Variants in TRDN observed in about 807,000 individuals in gnomAD.
The protein encoded by TRDN is triadin.
TRDN carries 161 observed loss-of-function variants against 149.7 expected under a neutral mutation model. The ratio of observed to expected loss-of-function variants is 1.08; its 90% CI spans 0.95 to 1.23. The LOEUF is 1.23. Ranked by LOEUF, TRDN falls within the 50% of genes most tolerant of loss-of-function variation. The pLI is 0.00. For missense variants in TRDN, 896 were observed against 823.5 expected (o/e 1.09, Z -1.08); for synonymous variants, 294 against 250.5 (o/e 1.17, Z -1.64).
chr6:123,568,228 A>G (rs1782388749), intron 2 of TRDN, among the ~76,000 whole-genome samples: 1 of 152,196 alleles, frequency 6.6e-6, no homozygotes, highest in African/African-American at 2.4e-5. Flanking sequence ...GTCCCAAGGA[A>G]TTGGGCAGCT....
intron 1 of TRDN, among the ~76,000 whole-genome samples, chr6:123,630,273 A>G (rs1785919834): frequency 6.6e-6 from 1 of 152,082 alleles, no homozygotes; most frequent in Non-Finnish European, 1.5e-5. Flanking sequence ...TAATGTTTTA[A>G]TACTATCTTT....
At chr6:123,495,971 C>T (rs1208115077) in intron 9 of TRDN, among the ~76,000 whole-genome samples, 1 of 150,534 alleles carries the variant, frequency 6.6e-6, no homozygotes, top group East Asian at 1.9e-4. Context: ...CCATATCACA[C>T]TACCTTCCTG....
intron 27 of TRDN, 133 bp from the exon 28 acceptor site, chr6:123,273,496 GA>G (rs1777273300): frequency 2.6e-6 from 1 of 386,220 alleles, no homozygotes; most frequent in Non-Finnish European, 3.9e-6. Context: ...TCTGGTTAAA[GA>G]AAAGTAAAAC....
At chr6:123,600,926 CA>C (rs1413896388) in intron 1 of TRDN, among the ~76,000 whole-genome samples, 6 of 151,636 alleles carry the variant, frequency 4.0e-5, no homozygotes, top group African/African-American at 1.2e-4. Context: ...GTTTTAAAAA[CA>C]AAAAAATTAT....
intron 23 of TRDN, among the ~76,000 whole-genome samples, chr6:123,328,184 C>T (rs186096294): frequency 5.1e-4 from 77 of 152,312 alleles, no homozygotes; most frequent in African/African-American, 1.3e-3. Flanking sequence ...CAGAATCCCT[C>T]GCAGTTAAAT....
Position 123,224,114 on chromosome 6 carries a change from G to A in TRDN, c.1993C>T (p.Pro665Ser). Residue 665 changes from proline (P) to serine (S), a missense_variant, in exon 39 of 41, where the codon CCA becomes TCA. Pro to Ser is a moderately conservative substitution (Grantham distance 74). Transcript: ENST00000334268. ...ARVSKDVEDV[P>S]ASKKAKEGTE... ...TCACCTTTAGCTTTCTTTGAAGCTG[G>A]TACATCTTCAACATCTTCTAGAGTA... is the stretch of plus-strand genomic sequence containing the variant. 6.2e-7 allele frequency: 1 copy of A among 1,610,286 alleles called. No homozygotes were observed. Among genetic ancestry groups the A allele is most frequent in the Middle Eastern group, 1.7e-4 (1 of 6,036 alleles).
At chr6:123,254,004 T>C (rs1332784680) in intron 37 of TRDN, among the ~76,000 whole-genome samples, 1 of 152,114 alleles carries the variant, frequency 6.6e-6, no homozygotes, top group African/African-American at 2.4e-5. Context: ...GTCTGTACCA[T>C]ATAAATACTC....
chr6:123,284,664 G>T (rs149724807), intron 24 of TRDN, among the ~76,000 whole-genome samples: 1 of 152,146 alleles, frequency 6.6e-6, no homozygotes, highest in East Asian at 1.9e-4. Context: ...ATTCTAGCCA[G>T]ATCAATCAAA....
chr6:123,577,021 A>C (rs1782891877), intron 1 of TRDN, among the ~76,000 whole-genome samples: 1 of 152,142 alleles, frequency 6.6e-6, no homozygotes, highest in African/African-American at 2.4e-5. Context: ...AAGTGAATTT[A>C]CAGGAGTTAA....
At chr6:123,480,955 T>C (rs1180690926) in intron 9 of TRDN, among the ~76,000 whole-genome samples, 2 of 152,036 alleles carry the variant, frequency 1.3e-5, no homozygotes, top group Non-Finnish European at 2.9e-5. Context: ...ATCTGTTGTT[T>C]TCATTTTAAA....
intron 33 of TRDN, among the ~76,000 whole-genome samples, chr6:123,261,391 T>C (rs1477735465): frequency 6.6e-6 from 1 of 151,890 alleles, no homozygotes; most frequent in African/African-American, 2.4e-5. Flanking sequence ...TGATAAGTGA[T>C]AGAAGACATA....
At chr6:123,401,349 T>C (rs779352925) in intron 12 of TRDN, among the ~76,000 whole-genome samples, 2 of 152,200 alleles carry the variant, frequency 1.3e-5, no homozygotes, top group Non-Finnish European at 2.9e-5. Context: ...AGGCTATTTC[T>C]AAGCAAACGC....
chr6:123,305,920 C>T (rs1162983837), intron 24 of TRDN, among the ~76,000 whole-genome samples: 1 of 152,118 alleles, frequency 6.6e-6, no homozygotes, highest in Non-Finnish European at 1.5e-5. Context: ...CAGTCATAAA[C>T]TACTACTCAG....
chr6:123,328,886 A>G (rs1379064566), intron 23 of TRDN, among the ~76,000 whole-genome samples: 1 of 152,222 alleles, frequency 6.6e-6, no homozygotes, highest in Non-Finnish European at 1.5e-5. Context: ...TTAAGGATCC[A>G]GAGCCCAGCA....
At position 123,513,384 on chromosome 6, in the gene TRDN, A is replaced by G. The variant is rs531198001; in HGVS notation, c.551-1022T>C. On this transcript the variant is annotated intron_variant, in intron 6 of 40. Coordinates refer to ENST00000334268, the MANE Select transcript of TRDN (RefSeq NM_006073.4). ...TGCAGCATTTTATTTCTGCTTTTCA[A>G]TTTGAATACATTTTTTTCTGCAGCA... 2.0e-5 allele frequency among the ~76,000 whole-genome samples: 3 copies of G among 152,308 alleles called. No homozygotes were observed. In the East Asian group the frequency reaches 5.8e-4, roughly 29 times the overall value.
At chr6:123,482,079 G>T (rs191241259) in intron 9 of TRDN, among the ~76,000 whole-genome samples, 1 of 151,990 alleles carries the variant, frequency 6.6e-6, no homozygotes, top group Non-Finnish European at 1.5e-5. Flanking sequence ...AATGTCTTTC[G>T]TTTTTTTCTG....
At chr6:123,294,799 A>C (rs1778137459) in intron 24 of TRDN, among the ~76,000 whole-genome samples, 1 of 152,132 alleles carries the variant, frequency 6.6e-6, no homozygotes, top group Non-Finnish European at 1.5e-5. Flanking sequence ...CCAAGTAAAA[A>C]CAGTGCTGGC....
rs367768556 is a variant in TRDN at position 123,331,982 on chromosome 6, A to G, written c.1421-53T>C. The G allele has an allele frequency of 4.2e-3, 5,619 of 1,351,734 alleles. 16 individuals carry two copies. The highest frequency in any genetic ancestry group is 5.3e-3 in the Non-Finnish European group (5,193 of 988,386). 83.7% of individuals were successfully genotyped at this position (1,351,734 alleles called of 1,614,324 possible). ...GAAGCCAAGACAAAGAGATTTTCAGATACCTATAAATGAAGTCAGTAAGCT... is the reference window on the plus strand; with the variant it reads ...GAAGCCAAGACAAAGAGATTTTCAGGTACCTATAAATGAAGTCAGTAAGCT... On this transcript the variant is annotated intron_variant, in intron 22 of 40. Transcript: ENST00000334268.
chr6:123,306,730 T>A (rs1358436834), intron 24 of TRDN, among the ~76,000 whole-genome samples: 1 of 152,108 alleles, frequency 6.6e-6, no homozygotes, highest in Admixed American at 6.6e-5. Flanking sequence ...TCTAATCTTG[T>A]CTTTGTTCTT....
Sources: gnomAD v4.1 joint callset for allele counts (sites outside exome capture counted in the v4.1 genomes callset) on GRCh38, gnomAD v4.1.1 for gene constraint, MANE v1.5 for transcripts, NCBI Gene and HGNC (gene_info 2026-07-23, HGNC 2026-07-21) for gene names.